Variants in TNNI3K observed in about 807,000 individuals in gnomAD.
TNNI3K encodes the protein serine/threonine-protein kinase TNNI3K.
A neutral mutation model predicts 114.5 loss-of-function variants in TNNI3K; 140 were observed. The observed-to-expected ratio is 1.22, with a 90% CI of 1.07 to 1.41. The LOEUF (loss-of-function observed/expected upper bound fraction) is 1.41. Among genes scored for constraint, TNNI3K ranks in the 40% most tolerant of loss-of-function variants. The pLI is 0.00. For synonymous variants in TNNI3K, 347 were observed against 347.5 expected, an observed-to-expected ratio of 1.00 and a Z score of 0.02; for missense variants, 1,125 against 1,007.6, an observed-to-expected ratio of 1.12 and a Z score of -1.58.
At chr1:74,315,558 T>G (rs574701485) in intron 5 of TNNI3K, among the ~76,000 whole-genome samples, 13 of 150,116 alleles carry the variant, frequency 8.7e-5, no homozygotes, top group African/African-American at 3.2e-4. Context: ...AGTTTTTGGT[T>G]TTTTTTTTTA....
intron 5 of TNNI3K, among the ~76,000 whole-genome samples, chr1:74,297,553 G>GTGTGTGTA (rs1463891851): frequency 1.4e-4 from 21 of 151,258 alleles, no homozygotes; most frequent in African/African-American, 4.9e-4. Flanking sequence ...GTGTGTGTGT[G>GTGTGTGTA]TATAAATATA....
chr1:74,532,899 G>T (rs961438724), intron 23 of TNNI3K, among the ~76,000 whole-genome samples: 1 of 152,002 alleles, frequency 6.6e-6, no homozygotes, highest in Admixed American at 6.6e-5. Flanking sequence ...CCTCACACCT[G>T]ATACAAAAAT....
chr1:74,353,237 C>G lies in TNNI3K; in HGVS notation c.933-29C>G, dbSNP rs1481795463. ...TTAGTTCATAACAAGGACCTTCTAT[C>G]TTTCTTGTTTTATGGTTTTTTTTTT... On this transcript the variant is annotated intron_variant, in intron 9 of 24. Coordinates refer to ENST00000326637, the MANE Select transcript of TNNI3K (RefSeq NM_015978.3). 3 of 1,601,924 alleles carry G rather than the reference C, an allele frequency of 1.9e-6. No homozygotes were observed. In the African/African-American group the frequency reaches 4.1e-5, roughly 22 times the overall value.
Position 74,331,179 on chromosome 1 carries a change from A to G in TNNI3K, c.445-271A>G, listed in dbSNP as rs3816403. On this transcript the variant is annotated intron_variant, in intron 5 of 24. Transcript: ENST00000326637. ...AGGAAGCTGGATGCAGTTTGACTCT[A>G]CAATTGGGTTTAGGAAAGAGACTAA... 0.03 allele frequency among the ~76,000 whole-genome samples: 4,528 copies of G among 152,080 alleles called. 112 individuals carry two copies. The highest frequency in any genetic ancestry group is 0.11 in the South Asian group (555 of 4,830).
chr1:74,264,329 T>C (rs1257087041), intron 4 of TNNI3K, among the ~76,000 whole-genome samples: 2 of 152,022 alleles, frequency 1.3e-5, no homozygotes, highest in Non-Finnish European at 2.9e-5. Context: ...GATTAATGGA[T>C]ACTTTCACTG....
intron 9 of TNNI3K, among the ~76,000 whole-genome samples, chr1:74,350,373 C>G (rs541675337): frequency 2.6e-5 from 4 of 152,218 alleles, no homozygotes; most frequent in East Asian, 1.9e-4. Context: ...TTGCTGAGGA[C>G]TGCTTTACTT....
intron 17 of TNNI3K, among the ~76,000 whole-genome samples, chr1:74,399,443 G>A (rs896357204): frequency 6.6e-6 from 1 of 152,070 alleles, no homozygotes; most frequent in African/African-American, 2.4e-5. Context: ...TGAGTTCATG[G>A]TTCACCACTT....
intron 4 of TNNI3K, among the ~76,000 whole-genome samples, chr1:74,264,044 G>C (rs1047052234): frequency 1.3e-5 from 2 of 151,784 alleles, no homozygotes; most frequent in African/African-American, 4.8e-5. Context: ...CAGCCTGCAG[G>C]AATAAATACA....
intron 17 of TNNI3K, among the ~76,000 whole-genome samples, chr1:74,426,987 A>C (rs1462489696): frequency 1.3e-5 from 2 of 152,132 alleles, no homozygotes; most frequent in East Asian, 3.9e-4. Context: ...GAGGAAAAAC[A>C]GCTCTTCCTT....
chr1:74,369,511 T>G lies in TNNI3K; in HGVS notation c.1593T>G (p.Asp531Glu). 6.2e-7 allele frequency: 1 copy of G among 1,612,832 alleles called. No individual in the cohort carries two copies. The highest frequency in any genetic ancestry group is 8.5e-7 in the Non-Finnish European group (1 of 1,179,212). ...VIQFVGACLN[D>E]PSQFAIVTQY... ...AGTTTGTGGGTGCTTGCTTGAATGA[T>G]CCCAGCCAGTTTGCCATTGTCACTC... Residue 531 changes from aspartate (D) to glutamate (E), a missense_variant, in exon 16 of 25, where the codon GAT becomes GAG. Asp to Glu is a conservative substitution (Grantham distance 45). Transcript: ENST00000326637.
intron 5 of TNNI3K, among the ~76,000 whole-genome samples, chr1:74,311,743 T>C (rs1659006940): frequency 6.6e-6 from 1 of 152,214 alleles, no homozygotes; most frequent in Non-Finnish European, 1.5e-5. Flanking sequence ...AATGAAATTT[T>C]AGCCTGTTTG....
intron 17 of TNNI3K, among the ~76,000 whole-genome samples, chr1:74,406,719 T>C (rs1304872350): frequency 2.0e-5 from 3 of 152,218 alleles, no homozygotes; most frequent in African/African-American, 4.8e-5. Flanking sequence ...GGGATTACAG[T>C]GTACACATCT....
chr1:74,527,043 G>T (rs114645118), intron 23 of TNNI3K, among the ~76,000 whole-genome samples: 3,912 of 152,258 alleles, frequency 0.026, 168 homozygotes, highest in African/African-American at 0.09. Flanking sequence ...ATCCCTGCCT[G>T]CTCTAAAAGC....
rs770585050 is a variant in TNNI3K, at chr1:74,343,125, C to T, written c.878C>T (p.Ser293Leu). The change falls in exon 9 of 25, where the codon TCA becomes TTA. Residue 293 changes from serine to leucine, a missense_variant. Physicochemically the swap from Ser to Leu is moderately radical, Grantham distance 145. Transcript: ENST00000326637. ...FEVAKEIIQI[S>L]GTESLTKENI... ...GTTGCCAAGGAAATCATCCAAATAT[C>T]AGGAACAGAAAGTCTGACTAAGGAA... is the stretch of plus-strand genomic sequence containing the variant. 1 of 1,613,392 alleles carries T rather than the reference C, an allele frequency of 6.2e-7. No homozygotes were observed. Among genetic ancestry groups the T allele is most frequent in the Non-Finnish European group, 8.5e-7 (1 of 1,179,794 alleles).
At chr1:74,539,840 T>C (rs1465119636) in intron 23 of TNNI3K, among the ~76,000 whole-genome samples, 2 of 151,992 alleles carry the variant, frequency 1.3e-5, no homozygotes, top group African/African-American at 4.8e-5. Context: ...ATAATAATAA[T>C]ACTTCTTGGG....
At chr1:74,264,914 T>A (rs1655877110) in intron 4 of TNNI3K, among the ~76,000 whole-genome samples, 1 of 152,076 alleles carries the variant, frequency 6.6e-6, no homozygotes, top group African/African-American at 2.4e-5. Flanking sequence ...TTTCATTTGA[T>A]CTTTATTACA....
chr1:74,345,321 A>C (rs1660948897), intron 9 of TNNI3K, among the ~76,000 whole-genome samples: 1 of 152,158 alleles, frequency 6.6e-6, no homozygotes, highest in Non-Finnish European at 1.5e-5. Flanking sequence ...TTAAGATGAC[A>C]GGATTCTTTC....
At chr1:74,368,620 C>T (rs984859667) in intron 13 of TNNI3K, among the ~76,000 whole-genome samples, 1 of 151,748 alleles carries the variant, frequency 6.6e-6, no homozygotes, top group African/African-American at 2.4e-5. Flanking sequence ...TAATGTGATA[C>T]GGACTGGACT....
At chr1:74,457,344 C>A (rs1667268475) in intron 20 of TNNI3K, among the ~76,000 whole-genome samples, 1 of 152,164 alleles carries the variant, frequency 6.6e-6, no homozygotes, top group Non-Finnish European at 1.5e-5. Context: ...ATTCTTCTGA[C>A]AGTATGTAAT....
Sources: allele counts gnomAD v4.1 joint callset (sites outside exome capture counted in the v4.1 genomes callset), GRCh38; gene constraint gnomAD v4.1.1; transcripts MANE v1.5; gene names NCBI Gene and HGNC (gene_info 2026-07-23, HGNC 2026-07-21).